The following TRHDE variants were observed in gnomAD, a reference collection of about 807,000 sequenced individuals.
TRHDE encodes the protein thyrotropin releasing hormone degrading enzyme.
TRHDE carries 72 observed loss-of-function variants against 125.7 expected under a neutral mutation model. The observed-to-expected ratio is 0.57, with a 90% CI of 0.47 to 0.70. The LOEUF is 0.70. Ranked by LOEUF, TRHDE falls within the 30% of genes least tolerant of loss-of-function variation. The pLI is 0.00. For missense variants in TRHDE, 1,110 were observed against 1,327.1 expected (o/e 0.84, Z 2.54); for synonymous variants, 509 against 509.1 (o/e 1.00, Z 0.00).
At chr12:72,527,942 A>G (rs1350100824) in intron 6 of TRHDE, among the ~76,000 whole-genome samples, 1 of 152,106 alleles carries the variant, frequency 6.6e-6, no homozygotes, top group Non-Finnish European at 1.5e-5. Flanking sequence ...GTGGCATAAT[A>G]AATAACTTTT....
At chr12:72,120,674 C>CTTTTT (rs36076979) in intron 2 of TRHDE, among the ~76,000 whole-genome samples, 17 of 118,740 alleles carry the variant, frequency 1.4e-4, no homozygotes, top group Admixed American at 2.7e-4. Flanking sequence ...TACTCTTTAA[C>CTTTTT]TTTTTTTTTT....
At chr12:72,646,062 TAAATAC>T (rs1874267600) in intron 15 of TRHDE, among the ~76,000 whole-genome samples, 1 of 152,042 alleles carries the variant, frequency 6.6e-6, no homozygotes, top group Admixed American at 6.6e-5. Flanking sequence ...AACATATATA[TAAATAC>T]AAATACTTTA....
At chr12:72,589,282 G>A (rs1445664347) in intron 12 of TRHDE, among the ~76,000 whole-genome samples, 1 of 152,118 alleles carries the variant, frequency 6.6e-6, no homozygotes, top group African/African-American at 2.4e-5. Context: ...GATGACCAAT[G>A]ATGTTGAGAC....
At chr12:72,518,338 G>A (rs1049943639) in intron 6 of TRHDE, among the ~76,000 whole-genome samples, 2 of 148,028 alleles carry the variant, frequency 1.4e-5, no homozygotes, top group African/African-American at 5.2e-5. Flanking sequence ...CCTGTATTGG[G>A]TGCATATATA....
chr12:72,597,713 G>GCATATA (rs1872015879), intron 12 of TRHDE, among the ~76,000 whole-genome samples: 3 of 18,484 alleles, frequency 1.6e-4, no homozygotes. Context: ...GTGTGTGTAT[G>GCATATA]TATATATATA....
At chr12:72,155,402 A>G (rs1261484176) in intron 2 of TRHDE, among the ~76,000 whole-genome samples, 2 of 152,086 alleles carry the variant, frequency 1.3e-5, no homozygotes, top group Non-Finnish European at 2.9e-5. Context: ...CTCATCAGTC[A>G]TTCTCCATCC....
chr12:72,297,050 T>A (rs1592527165), intron 2 of TRHDE, among the ~76,000 whole-genome samples: 1 of 152,306 alleles, frequency 6.6e-6, no homozygotes, highest in Non-Finnish European at 1.5e-5. Flanking sequence ...AGCAACACTC[T>A]TTTGTGCCTT....
chr12:72,575,505 C>A lies in TRHDE; in HGVS notation c.2284C>A (p.Arg762=), dbSNP rs1444566180. The part of the protein sequence containing the change: ...RNHEVLSVSN[R]AGLIDDAFSL... ...GCCTCAGGTTCTTTCTGTCAGTAAC[C>A]GAGCGGGCTTGATCGATGATGCCTT... The change falls in exon 12 of 19, where the codon CGA becomes AGA. Residue 762 remains arginine (R), a synonymous_variant. Coordinates refer to ENST00000261180, the MANE Select transcript of TRHDE (RefSeq NM_013381.3). 1 of 1,613,620 alleles carries A rather than the reference C, an allele frequency of 6.2e-7. No individual in the cohort carries two copies. The highest frequency in any genetic ancestry group is 2.2e-5 in the East Asian group (1 of 44,858).
chr12:72,528,064 C>G (rs12230840), intron 6 of TRHDE, among the ~76,000 whole-genome samples: 25,931 of 152,060 alleles, frequency 0.17, 2,688 homozygotes, highest in East Asian at 0.49. Context: ...AAGTTGCTAC[C>G]ATTCAGCCAA....
chr12:72,508,726 G>A (rs1878457969), intron 6 of TRHDE, among the ~76,000 whole-genome samples: 2 of 152,080 alleles, frequency 1.3e-5, no homozygotes, highest in Admixed American at 1.3e-4. Context: ...ATTTGCGATG[G>A]GAGAAGGACA....
intron 6 of TRHDE, among the ~76,000 whole-genome samples, chr12:72,530,416 C>CTTTTTTTTTT (rs71438816): frequency 1.7e-3 from 115 of 68,462 alleles, no homozygotes; most frequent in East Asian, 6.2e-3. Context: ...TTCCTAGAAG[C>CTTTTTTTTTT]TTTTTTTTTT....
chr12:72,318,078 A>G lies in TRHDE; in HGVS notation c.1188+31124A>G, dbSNP rs533196789. Reference sequence around the variant, plus strand: ...ACAGCAGTGTTAATGTCCTTTAACCAAAGACCACCAGTAACACATCTTTAA... The same window carrying G: ...ACAGCAGTGTTAATGTCCTTTAACCGAAGACCACCAGTAACACATCTTTAA... On this transcript the variant is annotated intron_variant, in intron 2 of 18. Transcript: ENST00000261180. Among the ~76,000 whole-genome samples the G allele has an allele frequency of 5.9e-5, 9 of 152,336 alleles. No homozygotes were observed. The East Asian group carries it at 1.7e-3, about 29-fold the overall frequency.
chr12:72,603,703 C>T (rs577802653), intron 12 of TRHDE, among the ~76,000 whole-genome samples: 6 of 151,684 alleles, frequency 4.0e-5, no homozygotes, highest in South Asian at 4.2e-4. Context: ...CCAGCCTGGG[C>T]GACAGAGTGA....
At chr12:72,632,028 A>T (rs1180577558) in intron 15 of TRHDE, among the ~76,000 whole-genome samples, 3 of 151,962 alleles carry the variant, frequency 2.0e-5, no homozygotes, top group African/African-American at 7.2e-5. Context: ...AGAATACAAA[A>T]GATGATGACA....
At chr12:72,409,201 A>G (rs1873391415) in intron 3 of TRHDE, among the ~76,000 whole-genome samples, 1 of 152,194 alleles carries the variant, frequency 6.6e-6, no homozygotes, top group South Asian at 2.1e-4. Context: ...CTTCTTAATA[A>G]TAACAATAGA....
chr12:72,174,737 CCTT>C (rs1403322140), intron 2 of TRHDE, among the ~76,000 whole-genome samples: 1 of 152,090 alleles, frequency 6.6e-6, no homozygotes, highest in Non-Finnish European at 1.5e-5. Flanking sequence ...GATCCTATGT[CCTT>C]CTTAGTGCTT....
chr12:72,565,124 C>G (rs1261243065), intron 9 of TRHDE, among the ~76,000 whole-genome samples: 5 of 152,266 alleles, frequency 3.3e-5, no homozygotes, highest in Admixed American at 2.0e-4. Context: ...ATTTAATTCA[C>G]TATAACATCC....
intron 2 of TRHDE, among the ~76,000 whole-genome samples, chr12:72,293,612 A>G (rs545371790): frequency 1.8e-4 from 27 of 152,198 alleles, no homozygotes; most frequent in Non-Finnish European, 3.5e-4. Flanking sequence ...GAAAGTGACC[A>G]TTATTAATTC....
rs182403737 is a variant in TRHDE at position 72,621,813 on chromosome 12, G to A, written c.2675+62G>A. The A allele has an allele frequency of 7.1e-5, 87 of 1,226,930 alleles. No individual in the cohort carries two copies. In the African/African-American group the frequency reaches 1.3e-3, roughly 18 times the overall value. The allele number at this position is 1,226,930 out of a possible 1,614,324, so 76.0% of individuals were successfully genotyped here. A position where few individuals can be genotyped will look rare whatever the true frequency, so the allele number is the denominator to read the frequency against. ...TAATAGTGCTTTCAGAGTCTCAGTG[G>A]ATGCATTTCATTTACCAACTGGAGA... On this transcript the variant is annotated intron_variant, in intron 15 of 18. Transcript: ENST00000261180.
Sources: allele counts gnomAD v4.1 joint callset (sites outside exome capture counted in the v4.1 genomes callset), GRCh38; gene constraint gnomAD v4.1.1; transcripts MANE v1.5; gene names NCBI Gene and HGNC (gene_info 2026-07-23, HGNC 2026-07-21).